SNX13: variants seen among roughly 807,000 people sequenced by gnomAD.
The protein encoded by SNX13 is sorting nexin 13, also known as sorting nexin-13.
In SNX13, 45 loss-of-function variants were observed where a neutral mutation model predicts 133.6. The ratio of observed to expected loss-of-function variants is 0.34; its 90% CI spans 0.27 to 0.43. The LOEUF is 0.43. Among genes scored for constraint, SNX13 ranks in the 20% least tolerant of loss-of-function variants. SNX13 has a pLI of 1.00. For missense variants in SNX13, 1,032 were observed against 1,145.1 expected (o/e 0.90, Z 1.43); for synonymous variants, 414 against 373.9 (o/e 1.11, Z -1.24).
At chr7:17,939,230 G>A (rs1802470775) in intron 1 of SNX13, among the ~76,000 whole-genome samples, 1 of 152,016 alleles carries the variant, frequency 6.6e-6, no homozygotes, top group African/African-American at 2.4e-5. Context: ...TTCCTTTTTG[G>A]CCCATGTAGG....
intron 9 of SNX13, among the ~76,000 whole-genome samples, chr7:17,866,949 T>C (rs1326859869): frequency 6.6e-6 from 1 of 152,244 alleles, no homozygotes; most frequent in Non-Finnish European, 1.5e-5. Flanking sequence ...TGTATGCTTA[T>C]ATCGAAATAT....
At chr7:17,865,451 C>T (rs886640720) in intron 9 of SNX13, among the ~76,000 whole-genome samples, 11 of 151,970 alleles carry the variant, frequency 7.2e-5, no homozygotes, top group Non-Finnish European at 1.5e-5. Context: ...ACAAGGAAAA[C>T]TGTAAAACAC....
chr7:17,926,995 T>C (rs10280913), intron 1 of SNX13, among the ~76,000 whole-genome samples: 3,046 of 152,192 alleles, frequency 0.02, 118 homozygotes, highest in African/African-American at 0.068. Context: ...TTATCTACCT[T>C]ACCAGCAATC....
chr7:17,809,670 C>T (rs1785770849), intron 20 of SNX13, among the ~76,000 whole-genome samples: 2 of 152,192 alleles, frequency 1.3e-5, no homozygotes, highest in African/African-American at 2.4e-5. Context: ...AACATACATT[C>T]TTCTCAGCAC....
At chr7:17,806,983 T>G (rs1785374611) in intron 20 of SNX13, among the ~76,000 whole-genome samples, 1 of 152,154 alleles carries the variant, frequency 6.6e-6, no homozygotes, top group South Asian at 2.1e-4. Flanking sequence ...TTTCCTCCGG[T>G]GCCTCCGCCA....
chr7:17,876,865 A>T (rs2128357633), intron 5 of SNX13, among the ~76,000 whole-genome samples: 1 of 152,122 alleles, frequency 6.6e-6, no homozygotes, highest in East Asian at 1.9e-4. Context: ...TTTTTCATAA[A>T]ATCGCACTAA....
At chr7:17,795,232 GATTATTA>G (rs1783920673) in intron 25 of SNX13, 1 of 151,474 alleles carries the variant, frequency 6.6e-6, no homozygotes, top group African/African-American at 2.4e-5. Context: ...CAACATGTAT[GATTATTA>G]ATTATTCATA....
chr7:17,879,880 A>C (rs1392439701), intron 5 of SNX13: 1 of 152,198 alleles, frequency 6.6e-6, no homozygotes, highest in African/African-American at 2.4e-5. Context: ...CATTTCCCAA[A>C]GTTTGTTTTC....
intron 5 of SNX13, chr7:17,880,549 G>C (rs1187299012): frequency 1.3e-5 from 2 of 152,152 alleles, no homozygotes; most frequent in African/African-American, 4.8e-5. Context: ...ATTTTCTGGA[G>C]GTGGGGTCCA....
intron 16 of SNX13, among the ~76,000 whole-genome samples, chr7:17,826,605 G>A (rs910976011): frequency 6.6e-6 from 1 of 151,972 alleles, no homozygotes; most frequent in Non-Finnish European, 1.5e-5. Flanking sequence ...AAGACATTTA[G>A]AAAACTGCCT....
At chr7:17,794,536 T>TA in intron 25 of SNX13, 1 of 391,042 alleles carries the variant, frequency 2.6e-6, no homozygotes, top group East Asian at 4.2e-5. Context: ...AGATAAAAAA[T>TA]AAAAAACAGT....
At chr7:17,882,246 T>G (rs1481357566) in intron 5 of SNX13, 1 of 152,168 alleles carries the variant, frequency 6.6e-6, no homozygotes, top group Non-Finnish European at 1.5e-5. Flanking sequence ...CTCTTCCTAT[T>G]TCCATGTTCA....
chr7:17,805,261 G>GCGCGCGCGCGCGCA (rs1554304436), intron 20 of SNX13, among the ~76,000 whole-genome samples: 2 of 148,228 alleles, frequency 1.3e-5, no homozygotes, highest in African/African-American at 2.5e-5. Flanking sequence ...GCGTGCGCGC[G>GCGCGCGCGCGCGCA]CGCGCATGCA....
intron 17 of SNX13, 52 bp downstream of exon 17, chr7:17,825,970 G>A (rs931429649): frequency 1.6e-6 from 2 of 1,238,226 alleles, no homozygotes; most frequent in Admixed American, 2.7e-5. Flanking sequence ...ATTATTTAGG[G>A]ATATAATAAT....
chr7:17,916,040 T>A (rs901576338), intron 1 of SNX13, among the ~76,000 whole-genome samples: 20 of 152,224 alleles, frequency 1.3e-4, no homozygotes, highest in Admixed American at 1.2e-3. Flanking sequence ...AAACTAAACA[T>A]CCTGCTCCTG....
intron 9 of SNX13, among the ~76,000 whole-genome samples, chr7:17,859,234 T>G (rs1792317216): frequency 6.6e-6 from 1 of 152,078 alleles, no homozygotes; most frequent in Non-Finnish European, 1.5e-5. Flanking sequence ...CGAAGCATTC[T>G]TACATTATCA....
intron 1 of SNX13, among the ~76,000 whole-genome samples, chr7:17,936,676 A>C (rs1393616220): frequency 6.6e-6 from 1 of 152,190 alleles, no homozygotes; most frequent in Non-Finnish European, 1.5e-5. Flanking sequence ...GGTATCAAGA[A>C]AAGTTTAAAA....
At chr7:17,902,912 T>A (rs969075379) in intron 1 of SNX13, among the ~76,000 whole-genome samples, 2 of 152,038 alleles carry the variant, frequency 1.3e-5, no homozygotes, top group African/African-American at 4.8e-5. Flanking sequence ...GGGCTCTAGG[T>A]TGAGTATTCC....
At chr7:17,839,423 G>C (rs1789596770) in intron 13 of SNX13, among the ~76,000 whole-genome samples, 1 of 151,580 alleles carries the variant, frequency 6.6e-6, no homozygotes, top group South Asian at 2.1e-4. Flanking sequence ...TTCATTCATT[G>C]GGGGGCTCTG....
Sources: allele counts gnomAD v4.1 joint callset (sites outside exome capture counted in the v4.1 genomes callset), GRCh38; gene constraint gnomAD v4.1.1; transcripts MANE v1.5; gene names NCBI Gene and HGNC (gene_info 2026-07-23, HGNC 2026-07-21).